The following AMMECR1 variants were observed in gnomAD, a reference collection of about 807,000 sequenced individuals.
The protein encoded by AMMECR1 is nuclear protein AMMECR1.
In AMMECR1, 3 loss-of-function variants were observed where a neutral mutation model predicts 22.5. The observed-to-expected ratio is 0.13, with a 90% CI of 0.06 to 0.35. The LOEUF (loss-of-function observed/expected upper bound fraction) is 0.35. Ranked by LOEUF, AMMECR1 falls within the 10% of genes least tolerant of loss-of-function variation. AMMECR1 has a pLI of 1.00. For missense variants in AMMECR1, 235 were observed against 278.7 expected, an observed-to-expected ratio of 0.84 and a Z score of 1.12; for synonymous variants, 130 against 116.7, an observed-to-expected ratio of 1.11 and a Z score of -0.74.
intron 2 of AMMECR1, among the ~76,000 whole-genome samples, chrX:110,323,456 C>G (rs988385235): frequency 8.0e-5 from 9 of 111,950 alleles, no homozygotes; most frequent in Non-Finnish European, 1.7e-4. Flanking sequence ...CTTTCTGTCT[C>G]TATGGATTTA....
At chrX:110,386,136 G>T (rs1000599925) in intron 2 of AMMECR1, among the ~76,000 whole-genome samples, 4 of 109,975 alleles carry the variant, frequency 3.6e-5, no homozygotes, top group African/African-American at 1.3e-4. Flanking sequence ...AAATCTCTTG[G>T]GTATATATCT....
In AMMECR1 at chrX:110,337,187, T is replaced by C. The variant is rs946879787; in HGVS notation, c.-147-19338A>G. The stretch of plus-strand genomic sequence containing the variant: ...ACCTTAGTTTCCTCATCTGCAGAGA[T>C]GGGTACTCTAGGACCCATTTCTTAA... On this transcript the variant is annotated intron_variant, in intron 2 of 7. Transcript: ENST00000372057. 2.7e-5 allele frequency among the ~76,000 whole-genome samples: 3 copies of C among 111,221 alleles called. No homozygotes were observed. The East Asian group carries it at 8.4e-4, about 31-fold the overall frequency.
At chrX:110,427,399 C>T (rs910897741) in intron 1 of AMMECR1, among the ~76,000 whole-genome samples, 4 of 111,840 alleles carry the variant, frequency 3.6e-5, no homozygotes, top group African/African-American at 1.3e-4. Flanking sequence ...AGTTAGAGTA[C>T]GTACTCATTA....
At chrX:110,300,348 C>G (rs2067959620) in intron 1 of AMMECR1, among the ~76,000 whole-genome samples, 1 of 112,239 alleles carries the variant, frequency 8.9e-6, no homozygotes, top group African/African-American at 3.2e-5. Context: ...AATGTCAATT[C>G]AGGTGTAAAG....
intron 2 of AMMECR1, among the ~76,000 whole-genome samples, chrX:110,371,679 T>C (rs1191278200): frequency 2.7e-5 from 3 of 111,244 alleles, no homozygotes; most frequent in Admixed American, 1.9e-4. Context: ...TTCTCCTGGC[T>C]CCCTCTTTAT....
At chrX:110,422,845 C>A (rs773142771) in intron 2 of AMMECR1, among the ~76,000 whole-genome samples, 1 of 112,116 alleles carries the variant, frequency 8.9e-6, no homozygotes, top group South Asian at 3.7e-4. Flanking sequence ...GTTGCCTTGG[C>A]GAACAGCCAA....
chrX:110,413,609 AC>A (rs2068657315), intron 2 of AMMECR1, among the ~76,000 whole-genome samples: 1 of 98,781 alleles, frequency 1.0e-5, no homozygotes, highest in Non-Finnish European at 2.0e-5. Flanking sequence ...GGTGAGTTGG[AC>A]ATCCGTGATC....
At chrX:110,305,023 T>C (rs950172826) in intron 1 of AMMECR1, among the ~76,000 whole-genome samples, 8 of 112,786 alleles carry the variant, frequency 7.1e-5, no homozygotes, top group East Asian at 2.8e-4. Context: ...GACATCACTG[T>C]CTCCATCACT....
intron 2 of AMMECR1, among the ~76,000 whole-genome samples, chrX:110,346,187 T>C (rs1462118926): frequency 8.9e-6 from 1 of 112,311 alleles, no homozygotes; most frequent in African/African-American, 3.2e-5. Context: ...CAAATGGTAG[T>C]GTTTTATAAT....
intron 2 of AMMECR1, among the ~76,000 whole-genome samples, chrX:110,222,114 A>C (rs2067503823): frequency 9.6e-6 from 1 of 104,469 alleles, no homozygotes; most frequent in Non-Finnish European, 2.0e-5. Context: ...CCAAAGGACT[A>C]TAAATCATGC....
chrX:110,296,530 G>A (rs750002541), intron 1 of AMMECR1, among the ~76,000 whole-genome samples: 1 of 111,969 alleles, frequency 8.9e-6, no homozygotes, highest in Non-Finnish European at 1.9e-5. Flanking sequence ...ACTACATGGT[G>A]TCCCACAGGT....
At chrX:110,382,090 T>A (rs1047705753) in intron 2 of AMMECR1, among the ~76,000 whole-genome samples, 8 of 112,205 alleles carry the variant, frequency 7.1e-5, no homozygotes, top group Admixed American at 1.9e-4. Context: ...ACAGTATTTT[T>A]AAAAATTCTT....
At chrX:110,351,020 T>C (rs372685460) in intron 2 of AMMECR1, among the ~76,000 whole-genome samples, 14 of 111,346 alleles carry the variant, frequency 1.3e-4, no homozygotes, top group African/African-American at 4.6e-4. Flanking sequence ...ATCAAAAGAA[T>C]AAAATAGGAA....
At chrX:110,348,113 T>C (rs1439305723) in intron 2 of AMMECR1, among the ~76,000 whole-genome samples, 1 of 112,272 alleles carries the variant, frequency 8.9e-6, no homozygotes, top group African/African-American at 3.2e-5. Context: ...CCATTTCTCA[T>C]CCAAAAGAAT....
chrX:110,226,069 G>C, intron 2 of AMMECR1, among the ~76,000 whole-genome samples: 1 of 111,303 alleles, frequency 9.0e-6, no homozygotes, highest in East Asian at 2.8e-4. Context: ...TCCCTCTTTG[G>C]ATGGCCTAAA....
intron 2 of AMMECR1, among the ~76,000 whole-genome samples, chrX:110,219,104 G>C (rs1043763882): frequency 9.0e-6 from 1 of 111,729 alleles, no homozygotes; most frequent in Admixed American, 9.5e-5. Context: ...CTAGGGAATT[G>C]ATGTATAAGT....
intron 2 of AMMECR1, among the ~76,000 whole-genome samples, chrX:110,413,244 A>C (rs1178872036): frequency 9.0e-6 from 1 of 111,147 alleles, no homozygotes; most frequent in Non-Finnish European, 1.9e-5. Context: ...TTTACAGAGC[A>C]CTATTGTCTA....
At chrX:110,328,284 AT>A (rs2068105609) in intron 2 of AMMECR1, among the ~76,000 whole-genome samples, 1 of 111,872 alleles carries the variant, frequency 8.9e-6, no homozygotes, top group Non-Finnish European at 1.9e-5. Flanking sequence ...TAAATTGCAT[AT>A]CAGTACATAC....
chrX:110,414,040 GTT>G (rs1169808354), intron 2 of AMMECR1, among the ~76,000 whole-genome samples: 1 of 111,845 alleles, frequency 8.9e-6, no homozygotes, highest in East Asian at 2.8e-4. Flanking sequence ...AGTCAGGTCT[GTT>G]TGCTTTCAGA....
Sources: gnomAD v4.1 joint callset for allele counts (sites outside exome capture counted in the v4.1 genomes callset) on GRCh38, gnomAD v4.1.1 for gene constraint, MANE v1.5 for transcripts, NCBI Gene and HGNC (gene_info 2026-07-23, HGNC 2026-07-21) for gene names.